The following FSHR variants were observed in gnomAD, a reference collection of about 807,000 sequenced individuals.
FSHR encodes follicle stimulating hormone receptor, also known as follicle-stimulating hormone receptor.
FSHR carries 46 observed loss-of-function variants against 52.1 expected under a neutral mutation model. The observed-to-expected ratio is 0.88, with a 90% CI of 0.70 to 1.13. The LOEUF (loss-of-function observed/expected upper bound fraction) is 1.13. FSHR is among the 50% of genes most tolerant of loss of function. The pLI is 0.00. For missense variants in FSHR, 964 were observed against 834.6 expected (o/e 1.16, Z -1.91); for synonymous variants, 399 against 309.6 (o/e 1.29, Z -3.03).
At position 48,990,649 on chromosome 2, in the gene FSHR, CA is replaced by C; in HGVS notation, c.375-13del. 6.5e-7 allele frequency: 1 copy of C among 1,545,336 alleles called. No homozygotes were observed. Among genetic ancestry groups the C allele is most frequent in the Non-Finnish European group, 8.9e-7 (1 of 1,117,838 alleles). The stretch of plus-strand genomic sequence containing the variant: ...TGTTGGATATTAACCTAGAGAGAAA[CA>C]AAATGAGAGTGAGTGAAAATGAAAC... On this transcript the variant is annotated splice_polypyrimidine_tract_variant and intron_variant, in intron 4 of 9. Transcript: ENST00000406846.
At chr2:49,115,148 C>T (rs1355697181) in intron 1 of FSHR, among the ~76,000 whole-genome samples, 1 of 149,916 alleles carries the variant, frequency 6.7e-6, no homozygotes, top group African/African-American at 2.5e-5. Flanking sequence ...GAAAGAAGGA[C>T]TTGGCCACTG....
intron 2 of FSHR, among the ~76,000 whole-genome samples, chr2:49,039,231 A>T (rs189143266): frequency 1.3e-5 from 2 of 152,184 alleles, no homozygotes; most frequent in East Asian, 3.9e-4. Flanking sequence ...ACCCTCTTAC[A>T]TCTTTTGTTT....
At chr2:49,051,851 A>G (rs968503022) in intron 2 of FSHR, among the ~76,000 whole-genome samples, 9 of 152,138 alleles carry the variant, frequency 5.9e-5, no homozygotes, top group African/African-American at 2.2e-4. Flanking sequence ...TATCCACTTA[A>G]AGTTAAATTT....
chr2:49,114,983 T>C (rs996994705), intron 1 of FSHR, among the ~76,000 whole-genome samples: 4 of 151,760 alleles, frequency 2.6e-5, no homozygotes, highest in Admixed American at 2.6e-4. Context: ...GTTTAAACCA[T>C]TTGGTTGAAA....
intron 1 of FSHR, among the ~76,000 whole-genome samples, chr2:49,116,531 G>A (rs1424919678): frequency 6.6e-6 from 1 of 152,096 alleles, no homozygotes; most frequent in Non-Finnish European, 1.5e-5. Context: ...GCTGTTGTGA[G>A]GATTAAATGA....
intron 1 of FSHR, among the ~76,000 whole-genome samples, chr2:49,126,865 G>A (rs1672018394): frequency 2.6e-5 from 4 of 152,144 alleles, no homozygotes. Flanking sequence ...TGGTTTGCAG[G>A]CCTCCCTCAC....
chr2:49,132,670 A>G (rs778861725), intron 1 of FSHR, among the ~76,000 whole-genome samples: 61 of 152,094 alleles, frequency 4.0e-4, no homozygotes, highest in Non-Finnish European at 7.5e-4. Context: ...GGCTTGCCCA[A>G]CTGTTCTCTT....
chr2:49,153,448 A>G (rs1254422903), intron 1 of FSHR, among the ~76,000 whole-genome samples: 1 of 152,000 alleles, frequency 6.6e-6, no homozygotes, highest in Non-Finnish European at 1.5e-5. Flanking sequence ...ACAAAACAAA[A>G]CAGTAGACTG....
chr2:49,040,251 A>T (rs552940131), intron 2 of FSHR, among the ~76,000 whole-genome samples: 16 of 152,176 alleles, frequency 1.1e-4, no homozygotes, highest in African/African-American at 3.1e-4. Flanking sequence ...GGCCATGGAG[A>T]TATTGTGAGA....
chr2:48,990,576 T>C lies in FSHR; in HGVS notation c.436A>G (p.Lys146Glu). The C allele has an allele frequency of 6.2e-7, 1 of 1,609,880 alleles. No homozygotes were observed. Residue 146 changes from lysine to glutamate, a missense_variant, in exon 5 of 10, where the codon AAA (lysine) becomes GAA (glutamate). Lys to Glu is a moderately conservative substitution (Grantham distance 56). Coordinates refer to ENST00000406846, the MANE Select transcript of FSHR (RefSeq NM_000145.4). ...PDVHKIHSLQ[K>E]VLLDIQDNIN... is the part of the protein sequence containing the mutation. ...AAGGAAAAAACTTACAGTAAAACTT[T>C]TTGGAGAGAATGAATCTTGTGAACA...
chr2:49,111,994 T>C (rs538990077), intron 1 of FSHR, among the ~76,000 whole-genome samples: 1 of 152,316 alleles, frequency 6.6e-6, no homozygotes, highest in Admixed American at 6.5e-5. Context: ...AAAAATAAAA[T>C]AATTTACTCA....
chr2:48,969,201 G>C (rs1188063952), intron 8 of FSHR, among the ~76,000 whole-genome samples: 66 of 152,310 alleles, frequency 4.3e-4, no homozygotes, highest in Admixed American at 4.3e-3. Flanking sequence ...CCCTTCTACA[G>C]TCTATTTGTA....
At chr2:49,053,707 G>A (rs1453011477) in intron 2 of FSHR, among the ~76,000 whole-genome samples, 1 of 152,144 alleles carries the variant, frequency 6.6e-6, no homozygotes, top group Non-Finnish European at 1.5e-5. Flanking sequence ...AAAAAAAACA[G>A]TCCTTTCCCT....
intron 1 of FSHR, among the ~76,000 whole-genome samples, chr2:49,142,591 G>A (rs1672728622): frequency 6.6e-6 from 1 of 152,182 alleles, no homozygotes; most frequent in African/African-American, 2.4e-5. Flanking sequence ...TAAAACATGA[G>A]TGTAATAAAT....
At chr2:49,000,536 G>A (rs77810548) in intron 4 of FSHR, among the ~76,000 whole-genome samples, 6 of 152,274 alleles carry the variant, frequency 3.9e-5, no homozygotes, top group Non-Finnish European at 5.9e-5. Context: ...AGACACAGTG[G>A]TAGAAGAAAT....
intron 1 of FSHR, among the ~76,000 whole-genome samples, chr2:49,124,551 A>G (rs76660837): frequency 6.1e-5 from 9 of 146,720 alleles, no homozygotes; most frequent in Non-Finnish European, 1.1e-4. Flanking sequence ...CTGTAGCTCC[A>G]TTTTTTTTTC....
At chr2:49,150,375 T>C (rs1673018264) in intron 1 of FSHR, among the ~76,000 whole-genome samples, 1 of 152,052 alleles carries the variant, frequency 6.6e-6, no homozygotes, top group Non-Finnish European at 1.5e-5. Context: ...CCAAAATCAG[T>C]CTCATATCTC....
At chr2:49,114,251 C>T (rs564249902) in intron 1 of FSHR, among the ~76,000 whole-genome samples, 53 of 152,268 alleles carry the variant, frequency 3.5e-4, no homozygotes, top group African/African-American at 1.3e-3. Context: ...CACCACAGGG[C>T]TGAGCATTAT....
At chr2:48,989,209 G>GA (rs1437952261) in intron 5 of FSHR, among the ~76,000 whole-genome samples, 155 bp from the exon 6 acceptor site, 1 of 150,482 alleles carries the variant, frequency 6.6e-6, no homozygotes, top group Admixed American at 6.6e-5. Context: ...AAAGTTTGGA[G>GA]AAAAAATTGT....
Sources: gnomAD v4.1 joint callset for allele counts (sites outside exome capture counted in the v4.1 genomes callset) on GRCh38, gnomAD v4.1.1 for gene constraint, MANE v1.5 for transcripts, NCBI Gene and HGNC (gene_info 2026-07-23, HGNC 2026-07-21) for gene names.